The following PKMYT1 variants were observed in gnomAD, a reference collection of about 807,000 sequenced individuals.
PKMYT1 encodes membrane-associated tyrosine- and threonine-specific cdc2-inhibitory kinase.
PKMYT1 carries 35 observed loss-of-function variants against 49.7 expected under a neutral mutation model. The ratio of observed to expected loss-of-function variants is 0.70; its 90% confidence interval spans 0.54 to 0.93. PKMYT1 has a LOEUF of 0.93. Ranked by LOEUF, PKMYT1 falls within the 40% of genes least tolerant of loss-of-function variation. The pLI is 0.00. For synonymous variants in PKMYT1, 331 were observed against 287.6 expected, an observed-to-expected ratio of 1.15 and a Z score of -1.53; for missense variants, 677 against 673.1, an observed-to-expected ratio of 1.01 and a Z score of -0.06.
At chr16:2,973,700 G>A in intron 7 of PKMYT1, 1 of 496,484 alleles carries the variant, frequency 2.0e-6, no homozygotes, top group Non-Finnish European at 3.6e-6. Context: ...TCTTCCCAGA[G>A]AAGGGACAAT....
Position 2,976,874 on chromosome 16 carries a change from AG to A in PKMYT1, c.167del (p.Pro56LeufsTer83). On this transcript the variant is annotated frameshift_variant, in exon 3 of 9. Coordinates refer to ENST00000262300, the MANE Select transcript of PKMYT1 (RefSeq NM_004203.5). LOFTEE classifies it high-confidence loss of function. The stretch of plus-strand genomic sequence containing the variant: ...GGCTGATGGGAATGCTGCCCTTGGC[AG>A]GGGGCGGAGGTGGGAGGCTCCGGCT... ...GLSRSLPPPPPAKGSIPISRL... is the reference protein window; with the variant it reads ...GLSRSLPPPPXAKGSIPISRL... 1.3e-6 allele frequency: 2 copies of A among 1,528,138 alleles called. No individual in the cohort carries two copies. Among genetic ancestry groups the A allele is most frequent in the Non-Finnish European group, 1.8e-6 (2 of 1,131,836 alleles). 94.7% of individuals were successfully genotyped at this position (1,528,138 alleles called of 1,614,324 possible). A position where few individuals can be genotyped will look rare whatever the true frequency, so the allele number is the denominator to read the frequency against.
chr16:2,977,346 C>A, intron 2 of PKMYT1: 1 of 1,135,058 alleles, frequency 8.8e-7, no homozygotes. Context: ...CGCCTGCATC[C>A]CTGCCCTCAT....
chr16:2,974,795 G>A (rs1596449973), intron 4 of PKMYT1, 139 bp from the exon 5 acceptor site: 5 of 627,318 alleles, frequency 8.0e-6, no homozygotes, highest in South Asian at 7.5e-5. Flanking sequence ...AGGGGGAAGG[G>A]ACACCCCAAC....
At chr16:2,980,040 T>G in intron 1 of PKMYT1, 128 bp from the exon 2 acceptor site, 1 of 254,558 alleles carries the variant, frequency 3.9e-6, no homozygotes, top group South Asian at 4.9e-5. Flanking sequence ...GGCGCGGGGT[T>G]GATGGACAGC....
intron 4 of PKMYT1, 188 bp from the exon 5 acceptor site, chr16:2,974,844 T>C (rs2072140422): frequency 1.2e-5 from 7 of 591,062 alleles, no homozygotes; most frequent in Middle Eastern, 4.5e-4. Flanking sequence ...GGGGACATCA[T>C]GGAATATGGG....
intron 3 of PKMYT1, 63 bp from the exon 4 acceptor site, chr16:2,975,875 G>C: frequency 6.5e-7 from 1 of 1,530,182 alleles, no homozygotes; most frequent in Non-Finnish European, 8.8e-7. Context: ...CAATCACATA[G>C]GGGGACAACC....
At position 2,972,816 on chromosome 16, in the gene PKMYT1, T is replaced by A. The variant is rs1244486225; in HGVS notation, c.*137A>T. 2.0e-6 allele frequency: 3 copies of A among 1,537,140 alleles called. No individual in the cohort carries two copies. Among genetic ancestry groups the A allele is most frequent in the Non-Finnish European group, 2.6e-6 (3 of 1,138,980 alleles). ...TTGCCACATGAGCAAGCTTGGGTGC[T>A]CCCAAGGTTCAAATACTTTTTATTA... On this transcript the variant is annotated 3_prime_UTR_variant, in exon 9 of 9. Coordinates refer to ENST00000262300, the MANE Select transcript of PKMYT1 (RefSeq NM_004203.5).
At chr16:2,977,083 C>G (rs762147021) in intron 2 of PKMYT1, 52 bp from the exon 3 acceptor site, 86 of 1,585,756 alleles carry the variant, frequency 5.4e-5, no homozygotes, top group Admixed American at 2.2e-4. Flanking sequence ...ACTCTGATAC[C>G]ACCTGGCCCT....
At chr16:2,978,944 T>C (rs1049601738) in intron 2 of PKMYT1, among the ~76,000 whole-genome samples, 27 of 151,146 alleles carry the variant, frequency 1.8e-4, no homozygotes, top group Middle Eastern at 3.4e-3. Context: ...GTAGCTGGGA[T>C]TACAGGCGTG....
At position 2,972,864 on chromosome 16, in the gene PKMYT1, C is replaced by A; in HGVS notation, c.*89G>T. The A allele has an allele frequency of 6.5e-7, 1 of 1,535,304 alleles. No homozygotes were observed. On this transcript the variant is annotated 3_prime_UTR_variant, in exon 9 of 9. Coordinates refer to ENST00000262300, the MANE Select transcript of PKMYT1 (RefSeq NM_004203.5). ...TTAGACACGGCCAGGCAGAGAAGACCATGGGAGTTCCCGAGGGGCCCCAGC... is the reference window on the plus strand; with the variant it reads ...TTAGACACGGCCAGGCAGAGAAGACAATGGGAGTTCCCGAGGGGCCCCAGC...
chr16:2,973,058 G>A lies in PKMYT1; in HGVS notation c.1395C>T (p.Ala465=), dbSNP rs1040463917. 13 of 1,602,212 alleles carry A rather than the reference G, an allele frequency of 8.1e-6. No individual in the cohort carries two copies. The highest frequency in any genetic ancestry group is 1.1e-5 in the Non-Finnish European group (13 of 1,175,458). ...TPRSRCTPRD[A]LDLSDINSEP... Reference sequence around the variant, plus strand: ...CTGAGTTGATGTCACTTAGGTCCAGGGCATCCCTGGGAGGAGAGAGTAGTG... The same window carrying A: ...CTGAGTTGATGTCACTTAGGTCCAGAGCATCCCTGGGAGGAGAGAGTAGTG... The change falls in exon 9 of 9, where the codon GCC becomes GCT. Residue 465 remains alanine (A), a synonymous_variant. Transcript: ENST00000262300.
chr16:2,975,868 T>TCACATAGGGGGACAACCCCC, intron 3 of PKMYT1, 56 bp from the exon 4 acceptor site: 2 of 1,537,610 alleles, frequency 1.3e-6, no homozygotes, highest in African/African-American at 2.7e-5. Context: ...AGTGGCACAA[T>TCACATAGGGGGACAACCCCC]CACATAGGGG....
intron 8 of PKMYT1, 23 bp downstream of exon 8, chr16:2,973,115 C>A: frequency 6.4e-7 from 1 of 1,562,410 alleles, no homozygotes; most frequent in Admixed American, 1.9e-5. Context: ...GCCCTGCCCA[C>A]CCCAGCCCCT....
rs143471437 is a variant in PKMYT1 at position 2,975,420 on chromosome 16, C to T, written c.771G>A (p.Glu257=). Reference sequence around the variant, plus strand: ...CCTCACCAGCTCCTGCTGTACCCAGCTCCACCAGCAGTCCGAAGTCACCCA... The same window carrying T: ...CCTCACCAGCTCCTGCTGTACCCAGTTCCACCAGCAGTCCGAAGTCACCCA... ...CKLGDFGLLV[E]LGTAGAGEVQ... is the part of the protein sequence containing the mutation. The change falls in exon 4 of 9, where the codon GAG becomes GAA. Residue 257 remains glutamate, a synonymous_variant. Transcript: ENST00000262300. 1 of 1,613,288 alleles carries T rather than the reference C, an allele frequency of 6.2e-7. No individual in the cohort carries two copies. The highest frequency in any genetic ancestry group is 2.2e-5 in the East Asian group (1 of 44,886).
chr16:2,974,653 C>T lies in PKMYT1; in HGVS notation c.876G>A (p.Leu292=). Residue 292 remains leucine, a synonymous_variant, in exon 5 of 9, where the codon CTG becomes CTA. Transcript: ENST00000262300. ...SYGTAADVFS[L]GLTILEVACN... is the part of the protein sequence containing the mutation. The stretch of plus-strand genomic sequence containing the variant: ...ATGCCACTTCCAGGATGGTGAGGCC[C>T]AGACTGGCAGGGACGGGATGGGGAC... 6.4e-7 allele frequency: 1 copy of T among 1,557,848 alleles called. No individual in the cohort carries two copies. Among genetic ancestry groups the T allele is most frequent in the Non-Finnish European group, 8.7e-7 (1 of 1,149,896 alleles).
In PKMYT1 at chr16:2,979,889, T is replaced by G. The variant is rs2072295727; in HGVS notation, c.-232A>C. On this transcript the variant is annotated 5_prime_UTR_variant, in exon 2 of 9. Transcript: ENST00000262300. ...CTCCCAGGCAGGGCCGCGGCTGACT[T>G]CACTCCGTGGGTGTGGGGAAGCCCT... 5.1e-6 allele frequency: 3 copies of G among 586,906 alleles called. No individual in the cohort carries two copies. Among genetic ancestry groups the G allele is most frequent in the Admixed American group, 5.5e-5 (2 of 36,418 alleles). 36.4% of individuals were successfully genotyped at this position (586,906 alleles called of 1,614,324 possible). A position where few individuals can be genotyped will look rare whatever the true frequency, so the allele number is the denominator to read the frequency against.
At chr16:2,977,385 A>ATC in intron 2 of PKMYT1, 1 of 992,812 alleles carries the variant, frequency 1.0e-6, no homozygotes, top group Non-Finnish European at 1.2e-6. Flanking sequence ...CCTAAACTAC[A>ATC]CAACCTCTTC....
chr16:2,973,204 G>A lies in PKMYT1; in HGVS notation c.1322C>T (p.Ser441Phe), dbSNP rs1357781021. Residue 441 changes from serine to phenylalanine, a missense_variant, in exon 8 of 9, where the codon TCC becomes TTC. Physicochemically the swap from Ser to Phe is radical, Grantham distance 155. Coordinates refer to ENST00000262300, the MANE Select transcript of PKMYT1 (RefSeq NM_004203.5). ...WDDDSLGPSL[S>F]PEAVLARTVG... is the part of the protein sequence containing the mutation. ...AGTCCGGGCCAGGACAGCCTCAGGG[G>A]AGAGTGAAGGCCTGCAGGAGGGCAG... The A allele has an allele frequency of 2.7e-6, 4 of 1,508,650 alleles. No individual in the cohort carries two copies. The South Asian group carries it at 5.3e-5, about 20-fold the overall frequency. The allele number at this position is 1,508,650 out of a possible 1,614,324, so 93.5% of individuals were successfully genotyped here.
At position 2,975,568 on chromosome 16, in the gene PKMYT1, G is replaced by T; in HGVS notation, c.623C>A (p.Ala208Asp). 6.2e-7 allele frequency: 1 copy of T among 1,611,746 alleles called. No individual in the cohort carries two copies. The highest frequency in any genetic ancestry group is 8.5e-7 in the Non-Finnish European group (1 of 1,179,790). ...CEAWGASLPEAQVWGYLRDTL... is the reference protein window; with the variant it reads ...CEAWGASLPEDQVWGYLRDTL... The stretch of plus-strand genomic sequence containing the variant: ...GTCCCGCAGGTAGCCCCAGACCTGG[G>T]CCTCAGGCAGGCTGGCACCCCAGGC... Residue 208 changes from alanine (A) to aspartate (D), a missense_variant, in exon 4 of 9, where the codon GCC becomes GAC. Ala to Asp is a moderately radical substitution (Grantham distance 126, BLOSUM62 -2). Transcript: ENST00000262300.
Sources: gnomAD v4.1 joint callset for allele counts (sites outside exome capture counted in the v4.1 genomes callset) on GRCh38, gnomAD v4.1.1 for gene constraint, MANE v1.5 for transcripts, NCBI Gene and HGNC (gene_info 2026-07-23, HGNC 2026-07-21) for gene names.